Variants in MSH3 observed in about 807,000 individuals in gnomAD.
MSH3 encodes DNA mismatch repair protein Msh3.
A neutral mutation model predicts 123.3 loss-of-function variants in MSH3; 106 were observed. The observed-to-expected ratio is 0.86, with a 90% CI of 0.73 to 1.01. MSH3 has a LOEUF of 1.01. Among genes scored for constraint, MSH3 ranks in the 50% least tolerant of loss-of-function variants. MSH3 has a pLI of 0.00. For synonymous variants in MSH3, 515 were observed against 481.4 expected, an observed-to-expected ratio of 1.07 and a Z score of -0.91; for missense variants, 1,459 against 1,347.6, an observed-to-expected ratio of 1.08 and a Z score of -1.29.
At chr5:80,730,831 G>A (rs1397134935) in intron 10 of MSH3, among the ~76,000 whole-genome samples, 1 of 149,730 alleles carries the variant, frequency 6.7e-6, no homozygotes, top group Non-Finnish European at 1.5e-5. Context: ...AGGCCCTGAT[G>A]TGTTTAGAAG....
Position 80,654,799 on chromosome 5 carries a change from G to C in MSH3, c.72G>C (p.Leu24Phe), listed in dbSNP as rs2112797155. ...SSSAPARQAVLSRFFQSTGSL... is the reference protein window; with the variant it reads ...SSSAPARQAVFSRFFQSTGSL... ...CAGCCCCTGCGAGGCAAGCGGTTTTGAGCCGATTCTTCCAGTCTACGGGAA... is the reference window on the plus strand; with the variant it reads ...CAGCCCCTGCGAGGCAAGCGGTTTTCAGCCGATTCTTCCAGTCTACGGGAA... The change falls in exon 1 of 24, where the codon TTG becomes TTC. Residue 24 changes from leucine to phenylalanine, a missense_variant. Transcript: ENST00000265081. 6.2e-7 allele frequency: 1 copy of C among 1,607,026 alleles called. No homozygotes were observed. The highest frequency in any genetic ancestry group is 8.5e-7 in the Non-Finnish European group (1 of 1,177,410).
At chr5:80,749,780 G>C (rs1743799615) in intron 12 of MSH3, among the ~76,000 whole-genome samples, 1 of 151,692 alleles carries the variant, frequency 6.6e-6, no homozygotes, top group Non-Finnish European at 1.5e-5. Context: ...ATTAACTATA[G>C]TCACCGTACT....
At chr5:80,859,848 G>T (rs1292324386) in intron 21 of MSH3, among the ~76,000 whole-genome samples, 3 of 151,818 alleles carry the variant, frequency 2.0e-5, no homozygotes, top group Admixed American at 6.6e-5. Context: ...AGGTAGCTGG[G>T]AGTACAGGTG....
intron 8 of MSH3, among the ~76,000 whole-genome samples, chr5:80,693,145 ATGTT>A: frequency 1.1e-5 from 1 of 94,014 alleles, no homozygotes. Flanking sequence ...GCACATGTAT[ATGTT>A]TATATAGATA....
chr5:80,837,030 C>T (rs1745527045), intron 20 of MSH3, among the ~76,000 whole-genome samples: 1 of 152,100 alleles, frequency 6.6e-6, no homozygotes, highest in African/African-American at 2.4e-5. Context: ...GGAGAGGAGA[C>T]TGGAGAGAGG....
intron 17 of MSH3, among the ~76,000 whole-genome samples, chr5:80,784,202 T>C (rs1344470993): frequency 1.2e-5 from 1 of 86,194 alleles, no homozygotes; most frequent in Non-Finnish European, 2.0e-5. Flanking sequence ...AGAGCGAGAC[T>C]ACTACGTCGC....
chr5:80,766,583 T>C (rs1024205558), intron 13 of MSH3, among the ~76,000 whole-genome samples: 1 of 152,112 alleles, frequency 6.6e-6, no homozygotes, highest in Non-Finnish European at 1.5e-5. Context: ...GACCTTGTGA[T>C]CTGCCCGCCT....
At chr5:80,779,220 T>C (rs970307520) in intron 17 of MSH3, among the ~76,000 whole-genome samples, 1 of 152,074 alleles carries the variant, frequency 6.6e-6, no homozygotes, top group African/African-American at 2.4e-5. Context: ...GTTGTACTCC[T>C]GACCTCAAGT....
intron 8 of MSH3, among the ~76,000 whole-genome samples, chr5:80,712,015 G>A (rs1456312994): frequency 6.6e-6 from 1 of 152,134 alleles, no homozygotes. Context: ...GAAGCTGTTG[G>A]CTCGTAAGTG....
At chr5:80,662,879 A>G (rs908628139) in intron 2 of MSH3, among the ~76,000 whole-genome samples, 5 of 152,222 alleles carry the variant, frequency 3.3e-5, no homozygotes, top group Admixed American at 3.3e-4. Flanking sequence ...TGGGACATAC[A>G]CACAGACCAG....
intron 20 of MSH3, among the ~76,000 whole-genome samples, chr5:80,844,127 CTT>C (rs956712845): frequency 6.6e-6 from 1 of 151,808 alleles, no homozygotes; most frequent in Non-Finnish European, 1.5e-5. Flanking sequence ...TCAAAGAACA[CTT>C]TTATTTCTGC....
chr5:80,656,208 C>T (rs933746910), intron 1 of MSH3, among the ~76,000 whole-genome samples: 6 of 152,156 alleles, frequency 3.9e-5, no homozygotes, highest in Non-Finnish European at 2.9e-5. Context: ...TGCTGAGGCT[C>T]CTGACTATCA....
chr5:80,795,291 A>G (rs1404347178), intron 19 of MSH3, among the ~76,000 whole-genome samples: 1 of 152,184 alleles, frequency 6.6e-6, no homozygotes, highest in Non-Finnish European at 1.5e-5. Flanking sequence ...TTGGTAGTAT[A>G]TAATGCATGT....
At chr5:80,853,024 A>G (rs1268654510) in intron 20 of MSH3, among the ~76,000 whole-genome samples, 3 of 152,212 alleles carry the variant, frequency 2.0e-5, no homozygotes, top group African/African-American at 7.2e-5. Context: ...TTACCTAATA[A>G]TGATTCCTTT....
At chr5:80,791,012 C>T (rs961726924) in intron 18 of MSH3, among the ~76,000 whole-genome samples, 4 of 152,126 alleles carry the variant, frequency 2.6e-5, no homozygotes, top group Non-Finnish European at 4.4e-5. Context: ...CTGTTATTCT[C>T]GTCCAGTTAG....
Position 80,670,210 on chromosome 5 carries a change from G to A in MSH3, c.693G>A (p.Pro231=), listed in dbSNP as rs1805355. The change falls in exon 4 of 24, where the codon CCG becomes CCA. Residue 231 remains proline (P), a synonymous_variant. Coordinates refer to ENST00000265081, the MANE Select transcript of MSH3 (RefSeq NM_002439.5). ...AACGGTCCAAAAGCATCTATACGCCGCTAGAATTACAATACATAGAAATGA... is the reference window on the plus strand; with the variant it reads ...AACGGTCCAAAAGCATCTATACGCCACTAGAATTACAATACATAGAAATGA... The part of the protein sequence containing the change: ...ANKRSKSIYT[P]LELQYIEMKQ... The A allele has an allele frequency of 0.085, 136,605 of 1,613,768 alleles. 10,567 individuals are homozygous for A. The highest frequency in any genetic ancestry group is 0.36 in the East Asian group (16,155 of 44,836).
intron 20 of MSH3, among the ~76,000 whole-genome samples, chr5:80,851,748 ATTTAT>A (rs1745833978): frequency 6.6e-6 from 1 of 152,186 alleles, no homozygotes; most frequent in South Asian, 2.1e-4. Context: ...ATCCATGTAC[ATTTAT>A]GTTGGAATAT....
chr5:80,654,758 C>G lies in MSH3; in HGVS notation c.31C>G (p.Leu11Val), dbSNP rs372442835. The G allele has an allele frequency of 1.2e-6, 2 of 1,603,594 alleles. No individual in the cohort carries two copies. Among genetic ancestry groups the G allele is most frequent in the Non-Finnish European group, 8.5e-7 (1 of 1,176,370 alleles). The change falls in exon 1 of 24, where the codon CTC becomes GTC. Residue 11 changes from leucine to valine, a missense_variant. Transcript: ENST00000265081. MSRRKPASGG[L>V]AASSSAPARQ... Reference sequence around the variant, plus strand: ...TCGCCGGAAGCCTGCGTCGGGCGGCCTCGCTGCCTCCAGCTCAGCCCCTGC... The same window carrying G: ...TCGCCGGAAGCCTGCGTCGGGCGGCGTCGCTGCCTCCAGCTCAGCCCCTGC...
chr5:80,809,696 A>G (rs1744972614), intron 19 of MSH3, among the ~76,000 whole-genome samples: 1 of 152,106 alleles, frequency 6.6e-6, no homozygotes, highest in South Asian at 2.1e-4. Context: ...TTGCATTCTT[A>G]CATTACATTC....
Sources: gnomAD v4.1 joint callset for allele counts (sites outside exome capture counted in the v4.1 genomes callset) on GRCh38, gnomAD v4.1.1 for gene constraint, MANE v1.5 for transcripts, NCBI Gene and HGNC (gene_info 2026-07-23, HGNC 2026-07-21) for gene names.